ASAP3: variants seen among roughly 807,000 people sequenced by gnomAD.
ASAP3 encodes the protein arf-GAP with SH3 domain, ANK repeat and PH domain-containing protein 3.
Under a neutral mutation model 118.2 loss-of-function variants are expected in ASAP3, and 85 were observed. The observed-to-expected ratio is 0.72, with a 90% CI of 0.60 to 0.86. The LOEUF is 0.86. Ranked by LOEUF, ASAP3 falls within the 40% of genes least tolerant of loss-of-function variation. ASAP3 has a pLI of 0.00. For missense variants in ASAP3, 1,026 were observed against 1,175.0 expected (o/e 0.87, Z 1.85); for synonymous variants, 432 against 477.4 (o/e 0.90, Z 1.24).
rs746663718 is a variant in ASAP3 at position 23,434,563 on chromosome 1, A to G, written c.1805T>C (p.Leu602Pro). 1.9e-6 allele frequency: 3 copies of G among 1,614,174 alleles called. No homozygotes were observed. In the South Asian group the frequency reaches 3.3e-5, roughly 18 times the overall value. Residue 602 changes from leucine to proline, a missense_variant, in exon 18 of 25, where the codon CTG (leucine) becomes CCG (proline). Transcript: ENST00000336689. ...CTGGATGATGAAATCCACCAGAGGC[A>G]GGGAAGCCTGGTTGGCGACTTTGAC... is the stretch of plus-strand genomic sequence containing the variant. ...LAVKVANQASLPLVDFIIQNG... is the reference protein window; with the variant it reads ...LAVKVANQASPPLVDFIIQNG...
intron 1 of ASAP3, among the ~76,000 whole-genome samples, chr1:23,465,642 C>T (rs1415390512): frequency 1.3e-5 from 2 of 152,076 alleles, no homozygotes; most frequent in East Asian, 1.9e-4. Flanking sequence ...GCTGGGTTTA[C>T]AGGCGTGTGC....
rs370517348 is a variant in ASAP3, at chr1:23,434,514, C to T, written c.1835+19G>A. On this transcript the variant is annotated intron_variant, in intron 18 of 24. Coordinates refer to ENST00000336689, the MANE Select transcript of ASAP3 (RefSeq NM_017707.4). Reference sequence around the variant, plus strand: ...GAGGGAGTGTGAGGAGCCAGACAGACAGGCAGGGAGGCTCTCACCCGTTCT... The same window carrying T: ...GAGGGAGTGTGAGGAGCCAGACAGATAGGCAGGGAGGCTCTCACCCGTTCT... 2.7e-5 allele frequency: 44 copies of T among 1,613,766 alleles called. No individual in the cohort carries two copies. Among genetic ancestry groups the T allele is most frequent in the Non-Finnish European group, 3.6e-5 (42 of 1,179,830 alleles).
chr1:23,463,068 G>C (rs1400929727), intron 1 of ASAP3, among the ~76,000 whole-genome samples: 1 of 152,144 alleles, frequency 6.6e-6, no homozygotes, highest in Non-Finnish European at 1.5e-5. Flanking sequence ...CGTGCTCTGG[G>C]AAGAATGGAC....
chr1:23,434,302 G>A lies in ASAP3; in HGVS notation c.1903C>T (p.Pro635Ser). The A allele has an allele frequency of 1.9e-6, 3 of 1,614,212 alleles. No individual in the cohort carries two copies. Among genetic ancestry groups the A allele is most frequent in the South Asian group, 1.1e-5 (1 of 91,086 alleles). Residue 635 changes from proline to serine, a missense_variant, in exon 19 of 25, where the codon CCC becomes TCC. Physicochemically the swap from Pro to Ser is moderately conservative, Grantham distance 74 (BLOSUM62 -1). Transcript: ENST00000336689. ...ALHYAALYNQ[P>S]DCLKLLLKGR... ...TTCAGCAGCAGCTTGAGGCAGTCGG[G>A]CTGGTTGTAGAGTGCTGCGTAGTGC...
intron 21 of ASAP3, 61 bp from the exon 22 acceptor site, chr1:23,433,333 C>T (rs1453620728): frequency 9.3e-6 from 15 of 1,609,902 alleles, no homozygotes; most frequent in Non-Finnish European, 1.3e-5. Flanking sequence ...GCCCTGTCCC[C>T]CCGCCTCACC....
chr1:23,460,907 T>C (rs1167720351), intron 1 of ASAP3, among the ~76,000 whole-genome samples: 1 of 152,080 alleles, frequency 6.6e-6, no homozygotes, highest in African/African-American at 2.4e-5. Flanking sequence ...TATCAAACCA[T>C]GAAAAGATGC....
Position 23,431,814 on chromosome 1 carries a change from C to A in ASAP3, c.2428G>T (p.Asp810Tyr). The stretch of plus-strand genomic sequence containing the variant: ...GAGTTGGGTGGGGCTTGGCTGGGAT[C>A]CCCAGGTTCCAAGGGGCTCATCAGA... ...SSLMSPLEPGDPSQAPPNSEE... is the reference protein window; with the variant it reads ...SSLMSPLEPGYPSQAPPNSEE... Residue 810 changes from aspartate (D) to tyrosine (Y), a missense_variant, in exon 23 of 25, where the codon GAT (aspartate) becomes TAT (tyrosine). By Grantham distance (160) the Asp-to-Tyr change is radical. Coordinates refer to ENST00000336689, the MANE Select transcript of ASAP3 (RefSeq NM_017707.4). The A allele has an allele frequency of 6.4e-7, 1 of 1,560,548 alleles. No homozygotes were observed. The highest frequency in any genetic ancestry group is 2.3e-5 in the East Asian group (1 of 43,278).
At chr1:23,439,063 G>A in intron 11 of ASAP3, 98 bp downstream of exon 11, 3 of 1,470,326 alleles carry the variant, frequency 2.0e-6, no homozygotes, top group Non-Finnish European at 2.8e-6. Flanking sequence ...CTAGGTTTGG[G>A]GGCCAGTCTT....
At chr1:23,455,617 G>C (rs1641357138) in intron 3 of ASAP3, among the ~76,000 whole-genome samples, 1 of 152,174 alleles carries the variant, frequency 6.6e-6, no homozygotes, top group Non-Finnish European at 1.5e-5. Context: ...CTTGCACGGG[G>C]CTCTTCCCTG....
chr1:23,476,471 T>C (rs557862148), intron 1 of ASAP3, among the ~76,000 whole-genome samples: 1 of 150,668 alleles, frequency 6.6e-6, no homozygotes, highest in Admixed American at 6.6e-5. Context: ...ACTTCTCTCC[T>C]CCTCCACCAA....
intron 5 of ASAP3, among the ~76,000 whole-genome samples, chr1:23,450,255 G>A (rs1194412459): frequency 6.6e-6 from 1 of 152,182 alleles, no homozygotes; most frequent in Admixed American, 6.5e-5. Flanking sequence ...AAATAATTAT[G>A]AGTAGGGACA....
At chr1:23,433,822 A>T in intron 19 of ASAP3, 129 bp from the exon 20 acceptor site, 2 of 1,176,492 alleles carry the variant, frequency 1.7e-6, no homozygotes, top group Non-Finnish European at 2.4e-6. Context: ...TGGCTATGTG[A>T]CCATAGGCAA....
At chr1:23,478,399 A>C (rs1642201740) in intron 1 of ASAP3, among the ~76,000 whole-genome samples, 1 of 152,014 alleles carries the variant, frequency 6.6e-6, no homozygotes, top group African/African-American at 2.4e-5. Flanking sequence ...TGGGAAGTGG[A>C]GGTTGCAGTG....
Position 23,436,855 on chromosome 1 carries a change from G to T in ASAP3, c.1476+56C>A. On this transcript the variant is annotated intron_variant, in intron 15 of 24. Transcript: ENST00000336689. This position sits in a 1 kb window ranked among gnomAD's most constrained non-coding sequence, Gnocchi z 4.2. The stretch of plus-strand genomic sequence containing the variant: ...CAACCTGCAAGCCCCGCCCCCGGAT[G>T]AAACTACACCCCTAACTCCGCTTCT... The T allele has an allele frequency of 6.3e-7, 1 of 1,582,000 alleles. No homozygotes were observed. Among genetic ancestry groups the T allele is most frequent in the South Asian group, 1.1e-5 (1 of 87,954 alleles).
At position 23,438,586 on chromosome 1, in the gene ASAP3, G is replaced by GT. The variant is rs1345130771; in HGVS notation, c.1102+160dup. Among the ~76,000 whole-genome samples, 1 of 152,154 alleles carries GT rather than the reference G, an allele frequency of 6.6e-6. No individual in the cohort carries two copies. The highest frequency in any genetic ancestry group is 1.5e-5 in the Non-Finnish European group (1 of 68,026). On this transcript the variant is annotated intron_variant, in intron 12 of 24. Coordinates refer to ENST00000336689, the MANE Select transcript of ASAP3 (RefSeq NM_017707.4). This position sits in a 1 kb window ranked among gnomAD's most constrained non-coding sequence, Gnocchi z 4.9. ...CATTTTGACATTTAATGTGATGTGGGTATCCTAGACCTAAGGATTCTTATG... is the reference window on the plus strand; with the variant it reads ...CATTTTGACATTTAATGTGATGTGGGTTATCCTAGACCTAAGGATTCTTATG...
chr1:23,466,666 G>A (rs1641778830), intron 1 of ASAP3, among the ~76,000 whole-genome samples: 1 of 152,218 alleles, frequency 6.6e-6, no homozygotes, highest in Non-Finnish European at 1.5e-5. Flanking sequence ...TTCATCAATA[G>A]GACCCATTCT....
chr1:23,448,572 C>T (rs535524208), intron 5 of ASAP3, among the ~76,000 whole-genome samples: 1 of 151,960 alleles, frequency 6.6e-6, no homozygotes, highest in South Asian at 2.1e-4. Context: ...AGATTACAGT[C>T]ATTAGCCACC....
At chr1:23,452,569 G>A (rs1458482822) in intron 4 of ASAP3, 128 bp downstream of exon 4, 3 of 1,028,150 alleles carry the variant, frequency 2.9e-6, no homozygotes, top group African/African-American at 1.6e-5. Flanking sequence ...ACCTCCCCAG[G>A]CTCATCACTC....
chr1:23,434,180 C>A, intron 19 of ASAP3, 74 bp downstream of exon 19: 2 of 1,457,348 alleles, frequency 1.4e-6, no homozygotes, highest in East Asian at 2.3e-5. Context: ...AGGATTAGAG[C>A]CCGAGACCAT....
Sources: allele counts gnomAD v4.1 joint callset (sites outside exome capture counted in the v4.1 genomes callset), GRCh38; gene constraint gnomAD v4.1.1; non-coding constraint Gnocchi (gnomAD v3.1); transcripts MANE v1.5; gene names NCBI Gene and HGNC (gene_info 2026-07-23, HGNC 2026-07-21).